Variants in EFCAB5 observed in about 807,000 individuals in gnomAD.
The protein encoded by EFCAB5 is EF-hand calcium-binding domain-containing protein 5.
Under a neutral mutation model 167.9 loss-of-function variants are expected in EFCAB5, and 131 were observed. That is an observed-to-expected ratio of 0.78 (90% CI 0.68 to 0.90). The LOEUF (loss-of-function observed/expected upper bound fraction) is 0.90, where lower values mean the gene tolerates loss of function less well. Ranked by LOEUF, EFCAB5 falls within the 40% of genes least tolerant of loss-of-function variation. The pLI is 0.00. For missense variants in EFCAB5, 1,663 were observed against 1,745.2 expected (o/e 0.95, Z 0.84); for synonymous variants, 574 against 602.8 (o/e 0.95, Z 0.70).
chr17:29,980,060 T>G (rs1767177090), intron 4 of EFCAB5, among the ~76,000 whole-genome samples: 1 of 151,932 alleles, frequency 6.6e-6, no homozygotes, highest in Admixed American at 6.6e-5. Flanking sequence ...TCCCAACTAC[T>G]CAGGAGGCTG....
At chr17:30,002,606 A>T (rs1345978728) in intron 7 of EFCAB5, among the ~76,000 whole-genome samples, 1 of 152,016 alleles carries the variant, frequency 6.6e-6, no homozygotes, top group East Asian at 1.9e-4. Flanking sequence ...CATTTAGAAA[A>T]CTCAAGATGA....
chr17:29,943,173 A>G (rs1477442895), intron 2 of EFCAB5, among the ~76,000 whole-genome samples: 1 of 152,070 alleles, frequency 6.6e-6, no homozygotes, highest in Admixed American at 6.5e-5. Context: ...TCTTTTTGCC[A>G]CAAATACAGA....
At chr17:30,102,052 G>A (rs1363890919) in intron 22 of EFCAB5, among the ~76,000 whole-genome samples, 1 of 152,216 alleles carries the variant, frequency 6.6e-6, no homozygotes, top group Non-Finnish European at 1.5e-5. Flanking sequence ...CACACCAAGG[G>A]AGGAATTGGC....
intron 14 of EFCAB5, among the ~76,000 whole-genome samples, chr17:30,065,974 G>A (rs1201881266): frequency 2.6e-5 from 4 of 152,208 alleles, no homozygotes; most frequent in African/African-American, 9.6e-5. Context: ...AGATCTAAAG[G>A]GAGAGATAGA....
intron 8 of EFCAB5, among the ~76,000 whole-genome samples, chr17:30,040,310 G>A (rs2069735634): frequency 6.6e-6 from 1 of 152,208 alleles, no homozygotes; most frequent in African/African-American, 2.4e-5. Context: ...GGAAAAATTT[G>A]GCGTTCCTTG....
intron 14 of EFCAB5, among the ~76,000 whole-genome samples, chr17:30,072,581 A>C (rs572565524): frequency 1.1e-4 from 16 of 152,318 alleles, no homozygotes; most frequent in African/African-American, 3.1e-4. Flanking sequence ...TGATTTCCAT[A>C]ACCTTGACAC....
At chr17:30,017,907 T>C (rs2069085587) in intron 7 of EFCAB5, among the ~76,000 whole-genome samples, 1 of 152,204 alleles carries the variant, frequency 6.6e-6, no homozygotes, top group Non-Finnish European at 1.5e-5. Context: ...GATCCAAGGC[T>C]CATTTCCTGT....
At chr17:30,087,245 T>C in intron 19 of EFCAB5, 79 bp downstream of exon 19, 2 of 1,167,550 alleles carry the variant, frequency 1.7e-6, no homozygotes, top group South Asian at 2.7e-5. Flanking sequence ...ACACAGCTTC[T>C]GACTCTTGCT....
chr17:30,036,987 T>A (rs1567730840), intron 8 of EFCAB5, among the ~76,000 whole-genome samples: 1 of 152,050 alleles, frequency 6.6e-6, no homozygotes, highest in Non-Finnish European at 1.5e-5. Flanking sequence ...ATTCCTGAGC[T>A]CCAATCATGG....
chr17:29,935,335 G>T (rs2067236280), intron 1 of EFCAB5, among the ~76,000 whole-genome samples: 1 of 152,126 alleles, frequency 6.6e-6, no homozygotes, highest in African/African-American at 2.4e-5. Context: ...GAGGCAGGAG[G>T]ATTGCATAAG....
intron 7 of EFCAB5, among the ~76,000 whole-genome samples, chr17:30,010,233 T>A (rs2068866977): frequency 6.6e-6 from 1 of 152,228 alleles, no homozygotes; most frequent in Non-Finnish European, 1.5e-5. Context: ...TGGTTCCAAG[T>A]CCTTGGTATT....
intron 14 of EFCAB5, among the ~76,000 whole-genome samples, chr17:30,061,831 G>T (rs574124247): frequency 6.6e-6 from 1 of 152,130 alleles, no homozygotes; most frequent in African/African-American, 2.4e-5. Flanking sequence ...GTCTCCCAAA[G>T]TTCTGGGATT....
chr17:30,016,866 C>T (rs1406071702), intron 7 of EFCAB5, among the ~76,000 whole-genome samples: 7 of 151,950 alleles, frequency 4.6e-5, no homozygotes, highest in African/African-American at 1.7e-4. Context: ...ATTTTTGAAA[C>T]ACAGATAAAT....
In EFCAB5 at chr17:30,029,363, CA is replaced by C. The variant is rs1156866967; in HGVS notation, c.1045-4862del. ...AGCCTACAGTCGCAAAATCATCTAA[CA>C]AAAAGCTTATTTTATAATGAGGTGT... On this transcript the variant is annotated intron_variant, in intron 7 of 22. Coordinates refer to ENST00000394835, the MANE Select transcript of EFCAB5 (RefSeq NM_198529.4). Among the ~76,000 whole-genome samples, 3 of 152,214 alleles carry C rather than the reference CA, an allele frequency of 2.0e-5. No individual in the cohort carries two copies. The East Asian group carries it at 5.8e-4, about 29-fold the overall frequency.
At chr17:30,020,364 T>A (rs909180633) in intron 7 of EFCAB5, among the ~76,000 whole-genome samples, 3 of 151,306 alleles carry the variant, frequency 2.0e-5, no homozygotes, top group African/African-American at 4.8e-5. Flanking sequence ...TTCTTTTTTT[T>A]TTTTTCTTTT....
intron 14 of EFCAB5, among the ~76,000 whole-genome samples, chr17:30,077,877 C>T (rs1567762843): frequency 6.6e-6 from 1 of 152,130 alleles, no homozygotes; most frequent in Admixed American, 6.6e-5. Context: ...AGAGGAGTGG[C>T]CACACTGCCA....
intron 7 of EFCAB5, among the ~76,000 whole-genome samples, chr17:30,023,190 C>A (rs1240207235): frequency 6.6e-6 from 1 of 151,738 alleles, no homozygotes; most frequent in Non-Finnish European, 1.5e-5. Flanking sequence ...CAGAGCAGAA[C>A]TGAAGGAAAT....
rs1452398604 is a variant in EFCAB5 at position 30,108,245 on chromosome 17, A to G, written c.*221A>G. 4 of 396,462 alleles carry G rather than the reference A, an allele frequency of 1.0e-5. No individual in the cohort carries two copies. The highest frequency in any genetic ancestry group is 1.8e-5 in the Non-Finnish European group (4 of 223,808). The allele number at this position is 396,462 out of a possible 1,614,324, so 24.6% of individuals were successfully genotyped here. ...TAGCCATAGCCAAGTGTATTTAAGTATGTTATAGAATATATTTGAAAGCTT... is the reference window on the plus strand; with the variant it reads ...TAGCCATAGCCAAGTGTATTTAAGTGTGTTATAGAATATATTTGAAAGCTT... On this transcript the variant is annotated 3_prime_UTR_variant, in exon 23 of 23. Coordinates refer to ENST00000394835, the MANE Select transcript of EFCAB5 (RefSeq NM_198529.4).
intron 1 of EFCAB5, among the ~76,000 whole-genome samples, chr17:29,932,149 C>CTTTT (rs35344808): frequency 7.3e-6 from 1 of 136,608 alleles, no homozygotes; most frequent in Admixed American, 7.5e-5. Flanking sequence ...ATTAAGATAA[C>CTTTT]TTTTTTTTTT....
Sources: allele counts gnomAD v4.1 joint callset (sites outside exome capture counted in the v4.1 genomes callset), GRCh38; gene constraint gnomAD v4.1.1; transcripts MANE v1.5; gene names NCBI Gene and HGNC (gene_info 2026-07-23, HGNC 2026-07-21).